Variants in GK observed in about 807,000 individuals in gnomAD.
The protein encoded by GK is glycerol kinase.
In GK, 9 loss-of-function variants were observed where a neutral mutation model predicts 56.4. That is an observed-to-expected ratio of 0.16 (90% CI 0.10 to 0.28). The LOEUF is 0.28. Among genes scored for constraint, GK ranks in the 10% least tolerant of loss-of-function variants. The probability of loss-of-function intolerance (pLI) is 1.00; values close to 1 mark genes in which losing one functional copy is unlikely to be tolerated. For synonymous variants in GK, 104 were observed against 144.1 expected, an observed-to-expected ratio of 0.72 and a Z score of 1.99; for missense variants, 161 against 431.4, an observed-to-expected ratio of 0.37 and a Z score of 5.55.
At chrX:30,721,296 CTTT>C in intron 18 of GK, 13 of 223,144 alleles carry the variant, frequency 5.8e-5, no homozygotes, top group Admixed American at 1.3e-4. Flanking sequence ...TTAGAATAGC[CTTT>C]TTTTTTTTTT....
At chrX:30,684,535 G>A (rs1037179733) in intron 4 of GK, among the ~76,000 whole-genome samples, 8 of 109,889 alleles carry the variant, frequency 7.3e-5, no homozygotes, top group Non-Finnish European at 1.1e-4. Context: ...GCGTGGTAGC[G>A]CGTGCCTGTA....
intron 4 of GK, among the ~76,000 whole-genome samples, chrX:30,688,363 A>G (rs1033305521): frequency 3.6e-5 from 4 of 110,590 alleles, no homozygotes; most frequent in Admixed American, 1.9e-4. Flanking sequence ...TTTTAAACAT[A>G]TAATTGGAAC....
chrX:30,695,622 G>GAAA (rs1470804329), intron 6 of GK, among the ~76,000 whole-genome samples: 1 of 112,368 alleles, frequency 8.9e-6, no homozygotes, highest in Non-Finnish European at 1.9e-5. Flanking sequence ...AACAACAACA[G>GAAA]CAACAACAAA....
intron 15 of GK, among the ~76,000 whole-genome samples, 187 bp from the exon 16 acceptor site, chrX:30,719,824 A>AT (rs1936814756): frequency 8.9e-6 from 1 of 112,204 alleles, no homozygotes; most frequent in African/African-American, 3.2e-5. Context: ...CAAATGTGTC[A>AT]TGAATTTTTT....
intron 19 of GK, among the ~76,000 whole-genome samples, chrX:30,725,923 G>T (rs2147273135): frequency 9.0e-6 from 1 of 110,853 alleles, no homozygotes; most frequent in East Asian, 2.8e-4. Context: ...AAAGTGCTGG[G>T]ATTACAGACA....
chrX:30,683,837 G>T (rs1486861201), intron 4 of GK, among the ~76,000 whole-genome samples: 1 of 112,098 alleles, frequency 8.9e-6, no homozygotes, highest in Non-Finnish European at 1.9e-5. Flanking sequence ...TTACAATAAT[G>T]ACCTCATTGG....
intron 19 of GK, among the ~76,000 whole-genome samples, chrX:30,725,451 C>G (rs1301920459): frequency 2.7e-5 from 3 of 111,533 alleles, no homozygotes; most frequent in Non-Finnish European, 5.7e-5. Context: ...TTTGAGAGAC[C>G]CTTTACAACT....
Position 30,653,471 on chromosome X carries a change from C to A in GK, c.-67C>A. On this transcript the variant is annotated 5_prime_UTR_variant, in exon 1 of 21. Transcript: ENST00000427190. Reference sequence around the variant, plus strand: ...TCGATCTCTGGACTCGTCACCTGCCCCTCCCCCTCCCGCCGCCGTCACCCA... The same window carrying A: ...TCGATCTCTGGACTCGTCACCTGCCACTCCCCCTCCCGCCGCCGTCACCCA... 9 of 983,740 alleles carry A rather than the reference C, an allele frequency of 9.1e-6. No individual in the cohort carries two copies. The highest frequency in any genetic ancestry group is 1.3e-5 in the Non-Finnish European group (9 of 688,190). 81.1% of individuals were successfully genotyped at this position (983,740 alleles called of 1,213,427 possible).
intron 4 of GK, among the ~76,000 whole-genome samples, chrX:30,681,341 A>G (rs1322504374): frequency 8.9e-6 from 1 of 112,438 alleles, no homozygotes; most frequent in East Asian, 2.8e-4. Flanking sequence ...ATCAGAGGAG[A>G]CATAGCTGAA....
At chrX:30,661,701 G>A (rs938739475) in intron 1 of GK, among the ~76,000 whole-genome samples, 2 of 111,507 alleles carry the variant, frequency 1.8e-5, no homozygotes, top group Non-Finnish European at 3.8e-5. Context: ...AGCCCTATGT[G>A]AGGCAGAAGT....
At chrX:30,685,289 T>C (rs764619329) in intron 4 of GK, among the ~76,000 whole-genome samples, 1 of 110,762 alleles carries the variant, frequency 9.0e-6, no homozygotes, top group East Asian at 2.8e-4. Context: ...CTGCCACCGC[T>C]CCCGGCTAAT....
At chrX:30,680,567 A>C (rs1311816423) in intron 4 of GK, among the ~76,000 whole-genome samples, 1 of 112,148 alleles carries the variant, frequency 8.9e-6, no homozygotes, top group Non-Finnish European at 1.9e-5. Context: ...TGTTTCAAAC[A>C]CACCAGTATG....
intron 18 of GK, among the ~76,000 whole-genome samples, chrX:30,722,569 A>G (rs192664383): frequency 8.9e-6 from 1 of 111,757 alleles, no homozygotes; most frequent in Admixed American, 9.5e-5. Flanking sequence ...CTCCCCATAA[A>G]CGAATGGGCA....
intron 3 of GK, among the ~76,000 whole-genome samples, chrX:30,675,236 C>T (rs955984796): frequency 9.3e-6 from 1 of 107,688 alleles, no homozygotes; most frequent in Admixed American, 9.9e-5. Context: ...TGCTCTGTCA[C>T]CCAGGCAGGA....
intron 15 of GK, 98 bp from the exon 16 acceptor site, chrX:30,719,913 C>T: frequency 5.1e-6 from 3 of 583,568 alleles, no homozygotes; most frequent in East Asian, 3.4e-5. Context: ...TCTTCCTGGA[C>T]ATTTCTGTCT....
At chrX:30,669,913 A>C (rs1164164957) in intron 3 of GK, among the ~76,000 whole-genome samples, 1 of 112,844 alleles carries the variant, frequency 8.9e-6, no homozygotes, top group Non-Finnish European at 1.9e-5. Flanking sequence ...ATAAATGGAA[A>C]TGCATAAAAT....
intron 3 of GK, among the ~76,000 whole-genome samples, chrX:30,673,168 G>C (rs146529133): frequency 0.021 from 2,368 of 112,047 alleles, 53 homozygotes; most frequent in African/African-American, 0.069. Flanking sequence ...GACATTCAGT[G>C]TAGAGAAAAG....
At chrX:30,681,874 A>G (rs1347884109) in intron 4 of GK, among the ~76,000 whole-genome samples, 1 of 111,923 alleles carries the variant, frequency 8.9e-6, no homozygotes, top group Non-Finnish European at 1.9e-5. Context: ...AAAGTGAAAT[A>G]TACTAGGAGT....
intron 3 of GK, among the ~76,000 whole-genome samples, chrX:30,669,968 T>A (rs181748895): frequency 8.9e-6 from 1 of 112,535 alleles, no homozygotes; most frequent in Non-Finnish European, 1.9e-5. Flanking sequence ...AAGTATAATT[T>A]GATATTTTAT....
Sources: allele counts gnomAD v4.1 joint callset (sites outside exome capture counted in the v4.1 genomes callset), GRCh38; gene constraint gnomAD v4.1.1; transcripts MANE v1.5; gene names NCBI Gene and HGNC (gene_info 2026-07-23, HGNC 2026-07-21).